ZFHX3: variants seen among roughly 807,000 people sequenced by gnomAD.
ZFHX3 encodes the protein zinc finger homeobox protein 3.
In ZFHX3, 42 loss-of-function variants were observed where a neutral mutation model predicts 279.1. That is an observed-to-expected ratio of 0.15 (90% confidence interval 0.12 to 0.19). The LOEUF (loss-of-function observed/expected upper bound fraction) is 0.19. Ranked by LOEUF, ZFHX3 falls within the 10% of genes least tolerant of loss-of-function variation. The pLI is 1.00. For missense variants in ZFHX3, 4,981 were observed against 4,754.0 expected (o/e 1.05, Z -1.40); for synonymous variants, 2,293 against 1,957.8 (o/e 1.17, Z -4.52).
In ZFHX3 at chr16:72,898,770, T is replaced by C. The variant is rs1030072074; in HGVS notation, c.3217-8808A>G. On this transcript the variant is annotated intron_variant, in intron 3 of 9. Coordinates refer to ENST00000268489, the MANE Select transcript of ZFHX3 (RefSeq NM_006885.4). ...TCAAAAAAAAAAAAAAAAAAGTGTG[T>C]GTAGGTGCTTCGCCCATAGTAAATG... Among the ~76,000 whole-genome samples the C allele has an allele frequency of 2.0e-5, 3 of 147,220 alleles. No homozygotes were observed. The East Asian group carries it at 5.9e-4, about 29-fold the overall frequency.
At chr16:72,818,731 A>G (rs960783292) in intron 5 of ZFHX3, among the ~76,000 whole-genome samples, 4 of 152,220 alleles carry the variant, frequency 2.6e-5, no homozygotes, top group Non-Finnish European at 1.5e-5. Context: ...CTCAACATCC[A>G]GCCTGGTGAA....
At chr16:73,740,932 C>G (rs760639142) in intron 1 of ZFHX3, among the ~76,000 whole-genome samples, 1 of 152,026 alleles carries the variant, frequency 6.6e-6, no homozygotes, top group Non-Finnish European at 1.5e-5. Flanking sequence ...TATGAGATGG[C>G]CAAAGTATCT....
At chr16:73,314,715 C>T (rs1265510394) in intron 4 of ZFHX3, among the ~76,000 whole-genome samples, 1 of 152,222 alleles carries the variant, frequency 6.6e-6, no homozygotes, top group Non-Finnish European at 1.5e-5. Flanking sequence ...GCCACTTACT[C>T]ATTCTTCCAG....
chr16:73,154,690 T>C (rs769406037), intron 5 of ZFHX3, among the ~76,000 whole-genome samples: 2 of 152,048 alleles, frequency 1.3e-5, no homozygotes, highest in Non-Finnish European at 2.9e-5. Context: ...CTTTGAAAAA[T>C]AGAAATATGT....
intron 5 of ZFHX3, among the ~76,000 whole-genome samples, chr16:73,189,842 C>G (rs946314168): frequency 6.6e-6 from 1 of 152,152 alleles, no homozygotes; most frequent in African/African-American, 2.4e-5. Flanking sequence ...GCCTGTAATC[C>G]TAGTGCTTTA....
intron 1 of ZFHX3, among the ~76,000 whole-genome samples, chr16:73,747,400 A>T (rs1446094305): frequency 6.6e-6 from 1 of 152,096 alleles, no homozygotes; most frequent in African/African-American, 2.4e-5. Context: ...GAAAAGAAAA[A>T]ATTCTTTAGA....
At chr16:73,399,329 T>C (rs968393023) in intron 3 of ZFHX3, among the ~76,000 whole-genome samples, 9 of 152,184 alleles carry the variant, frequency 5.9e-5, no homozygotes, top group South Asian at 2.1e-4. Flanking sequence ...GGGGAGTTCC[T>C]TTCCTCTGAG....
chr16:72,935,733 T>TAA (rs35586166), intron 3 of ZFHX3, among the ~76,000 whole-genome samples: 48 of 141,168 alleles, frequency 3.4e-4, no homozygotes, highest in African/African-American at 1.0e-3. Flanking sequence ...CACTCTGTCT[T>TAA]AAAAAAAAAA....
intron 5 of ZFHX3, among the ~76,000 whole-genome samples, chr16:73,235,371 C>A (rs1394090179): frequency 6.6e-6 from 1 of 152,212 alleles, no homozygotes; most frequent in Non-Finnish European, 1.5e-5. Context: ...TGGTGAGGCA[C>A]CATGCCCGGC....
chr16:73,646,290 G>C (rs924781742), intron 2 of ZFHX3, among the ~76,000 whole-genome samples: 1 of 152,062 alleles, frequency 6.6e-6, no homozygotes, highest in African/African-American at 2.4e-5. Flanking sequence ...AAAGACAGTT[G>C]CAAAATCAAA....
At chr16:72,946,943 C>T (rs1204336245) in intron 3 of ZFHX3, among the ~76,000 whole-genome samples, 1 of 152,200 alleles carries the variant, frequency 6.6e-6, no homozygotes, top group Non-Finnish European at 1.5e-5. Context: ...TCCATGCTGG[C>T]TCAGATGTGA....
chr16:73,225,878 T>C (rs1467712360), intron 5 of ZFHX3, among the ~76,000 whole-genome samples: 1 of 152,224 alleles, frequency 6.6e-6, no homozygotes, highest in African/African-American at 2.4e-5. Context: ...GTCCATTCCC[T>C]TTGGAAGTCC....
At chr16:72,909,481 G>A (rs1376730055) in intron 3 of ZFHX3, among the ~76,000 whole-genome samples, 5 of 152,028 alleles carry the variant, frequency 3.3e-5, no homozygotes, top group African/African-American at 7.2e-5. Context: ...AAAATCACGC[G>A]CCTGCTCTCA....
chr16:73,216,966 G>A (rs1490916441), intron 5 of ZFHX3, among the ~76,000 whole-genome samples: 1 of 152,254 alleles, frequency 6.6e-6, no homozygotes, highest in Non-Finnish European at 1.5e-5. Flanking sequence ...CATGGCCGTG[G>A]TCCACTTAAG....
chr16:73,272,960 T>C (rs2014190342), intron 4 of ZFHX3, among the ~76,000 whole-genome samples: 1 of 152,140 alleles, frequency 6.6e-6, no homozygotes, highest in African/African-American at 2.4e-5. Flanking sequence ...TTTCCTGGGC[T>C]GGTCTTGAAC....
intron 3 of ZFHX3, among the ~76,000 whole-genome samples, chr16:73,324,309 T>C (rs1183091803): frequency 1.3e-5 from 2 of 152,218 alleles, no homozygotes; most frequent in African/African-American, 4.8e-5. Flanking sequence ...CCTGAGTAAA[T>C]TAGCAGTGGT....
chr16:73,704,120 T>C (rs544902135), intron 1 of ZFHX3, among the ~76,000 whole-genome samples: 5 of 152,190 alleles, frequency 3.3e-5, no homozygotes, highest in Non-Finnish European at 7.3e-5. Flanking sequence ...CAGGGTGGTA[T>C]GGCCGTAAAC....
intron 2 of ZFHX3, among the ~76,000 whole-genome samples, chr16:73,575,890 T>C (rs576578776): frequency 3.1e-4 from 47 of 152,260 alleles, no homozygotes; most frequent in African/African-American, 1.0e-3. Context: ...ACCGCGATGA[T>C]TGTGTTTCTC....
chr16:73,158,051 G>C (rs61675769), intron 5 of ZFHX3, among the ~76,000 whole-genome samples: 3,476 of 152,166 alleles, frequency 0.023, 136 homozygotes, highest in African/African-American at 0.08. Context: ...CACATTTTTG[G>C]AGGAAATCAT....
Sources: gnomAD v4.1 joint callset for allele counts (sites outside exome capture counted in the v4.1 genomes callset) on GRCh38, gnomAD v4.1.1 for gene constraint, MANE v1.5 for transcripts, NCBI Gene and HGNC (gene_info 2026-07-23, HGNC 2026-07-21) for gene names.